Variants in QRICH2 observed in about 807,000 individuals in gnomAD.
QRICH2 encodes the protein glutamine rich 2.
In QRICH2, 119 loss-of-function variants were observed where a neutral mutation model predicts 168.3. The ratio of observed to expected loss-of-function variants is 0.71; its 90% CI spans 0.61 to 0.82. The LOEUF is 0.82. Among genes scored for constraint, QRICH2 ranks in the 40% least tolerant of loss-of-function variants. QRICH2 has a pLI of 0.00. For synonymous variants in QRICH2, 894 were observed against 951.2 expected, an observed-to-expected ratio of 0.94 and a Z score of 1.11; for missense variants, 2,241 against 2,491.6, an observed-to-expected ratio of 0.90 and a Z score of 2.14.
chr17:76,283,633 G>A (rs1222289772), intron 7 of QRICH2, among the ~76,000 whole-genome samples: 1 of 147,546 alleles, frequency 6.8e-6, no homozygotes, highest in Non-Finnish European at 1.5e-5. Context: ...CAGCACTTTG[G>A]GAGGCCAAGG....
At chr17:76,308,701 T>C (rs1341128299), upstream of QRICH2, among the ~76,000 whole-genome samples, 1 of 152,100 alleles carries the variant, frequency 6.6e-6, no homozygotes, top group Non-Finnish European at 1.5e-5. Flanking sequence ...AATTAGCCAC[T>C]AGATGACTAA....
chr17:76,307,798 C>A lies in QRICH2; in HGVS notation c.201G>T (p.Ser67=), dbSNP rs958557405. ...GCGCGGGCAGGTGCGGGATGCTGAACGAGCTCCGGACGGACTGCAGCGAGC... is the reference window on the plus strand; with the variant it reads ...GCGCGGGCAGGTGCGGGATGCTGAAAGAGCTCCGGACGGACTGCAGCGAGC... ...PSRSLQSVRS[S]FSIPHLPAPK... Residue 67 remains serine, a synonymous_variant, in exon 1 of 19, where the codon TCG becomes TCT. Transcript: ENST00000680821. The surrounding 1 kb of genome is among the most constrained non-coding windows in gnomAD (Gnocchi z 5.3). 7.3e-7 allele frequency: 1 copy of A among 1,363,868 alleles called. No homozygotes were observed. Among genetic ancestry groups the A allele is most frequent in the African/African-American group, 1.5e-5 (1 of 66,576 alleles). 84.5% of individuals were successfully genotyped at this position (1,363,868 alleles called of 1,614,324 possible). A position where few individuals can be genotyped will look rare whatever the true frequency, so the allele number is the denominator to read the frequency against.
intron 1 of QRICH2, among the ~76,000 whole-genome samples, chr17:76,305,869 C>T (rs957143298): frequency 5.3e-5 from 8 of 152,008 alleles, no homozygotes; most frequent in Admixed American, 3.9e-4. Flanking sequence ...TCTAAGATTA[C>T]GTAAAAATTA....
rs746329705 is a variant in QRICH2, at chr17:76,277,193, A to C, written c.5235T>G (p.Tyr1745Ter). Residue 1745 changes from tyrosine to a stop codon, truncating the protein, a stop_gained, in exon 16 of 19, where the codon TAT (tyrosine) becomes TAG (stop). Coordinates refer to ENST00000680821, the MANE Select transcript of QRICH2 (RefSeq NM_001388453.1). LOFTEE classifies it high-confidence loss of function. ...TGGCAATCTGGATCTCTTCAGTAGG[A>C]TACAGGCCCCGGGGAAGGTGCTGCG... ...SRPQHLPRGL[Y>*]PTEEIQIAMK... The C allele has an allele frequency of 6.2e-7, 1 of 1,602,282 alleles. No homozygotes were observed. Among genetic ancestry groups the C allele is most frequent in the Non-Finnish European group, 8.5e-7 (1 of 1,176,734 alleles).
chr17:76,274,374 C>T, intron 18 of QRICH2, 114 bp from the exon 19 acceptor site: 1 of 1,116,414 alleles, frequency 9.0e-7, no homozygotes, highest in East Asian at 2.8e-5. Flanking sequence ...CCATGCTGGG[C>T]TGACACAGGC....
Position 76,307,725 on chromosome 17 carries a change from C to T in QRICH2, c.274G>A (p.Gly92Ser). 2.1e-6 allele frequency: 3 copies of T among 1,418,638 alleles called. No individual in the cohort carries two copies. Among genetic ancestry groups the T allele is most frequent in the Non-Finnish European group, 2.8e-6 (3 of 1,090,482 alleles). 87.9% of individuals were successfully genotyped at this position (1,418,638 alleles called of 1,614,324 possible). ...GAPREKRRGV[G>S]QAPSSALESQ... ...TCCAGCGCTGACGAAGGCGCCTGGC[C>T]CACGCCCCTGCGCTTCTCCCGGGGC... Residue 92 changes from glycine (G) to serine (S), a missense_variant, in exon 1 of 19, where the codon GGC (glycine) becomes AGC (serine). Gly to Ser is a moderately conservative substitution (Grantham distance 56). Around this residue, in one of 3 missense-constraint regions of QRICH2, gnomAD observed 2,047 missense variants for 2,303.8 expected, o/e 0.89. Coordinates refer to ENST00000680821, the MANE Select transcript of QRICH2 (RefSeq NM_001388453.1). The surrounding 1 kb of genome is among the most constrained non-coding windows in gnomAD (Gnocchi z 5.3).
intron 2 of QRICH2, 43 bp downstream of exon 2, chr17:76,304,839 A>G: frequency 7.0e-7 from 1 of 1,424,786 alleles, no homozygotes; most frequent in Non-Finnish European, 9.9e-7. Flanking sequence ...AGAGACGGCC[A>G]GCCCCCTGGA....
chr17:76,297,483 G>C (rs765406238), intron 3 of QRICH2, among the ~76,000 whole-genome samples: 1 of 151,476 alleles, frequency 6.6e-6, no homozygotes, highest in Non-Finnish European at 1.5e-5. Flanking sequence ...CTCCGGCCTG[G>C]GCGACACAGC....
intron 7 of QRICH2, among the ~76,000 whole-genome samples, chr17:76,285,081 A>G (rs1210465831): frequency 6.6e-6 from 1 of 151,354 alleles, no homozygotes; most frequent in Non-Finnish European, 1.5e-5. Flanking sequence ...CAGCCTCCTG[A>G]GAAGGTGGGA....
In QRICH2 at chr17:76,280,549, G is replaced by C. The variant is rs973277272; in HGVS notation, c.4462-98C>G. 4.6e-5 allele frequency: 74 copies of C among 1,593,224 alleles called. No homozygotes were observed. In the African/African-American group the frequency reaches 9.7e-4, roughly 21 times the overall value. On this transcript the variant is annotated intron_variant, in intron 10 of 18. Transcript: ENST00000680821. This position sits in a 1 kb window ranked among gnomAD's most constrained non-coding sequence, Gnocchi z 7.4. Reference sequence around the variant, plus strand: ...GACCCCTATCACCAGGCAGGTTTCTGAGAGCCCACACTCGTCTCGCCAGCT... The same window carrying C: ...GACCCCTATCACCAGGCAGGTTTCTCAGAGCCCACACTCGTCTCGCCAGCT...
At chr17:76,305,164 C>CTTTTTT in intron 1 of QRICH2, among the ~76,000 whole-genome samples, 1 of 128,054 alleles carries the variant, frequency 7.8e-6, no homozygotes, top group East Asian at 2.1e-4. Context: ...TTTTTGGTTT[C>CTTTTTT]CTTTTTTTTT....
intron 7 of QRICH2, among the ~76,000 whole-genome samples, chr17:76,283,874 C>CCA (rs2070832996): frequency 8.0e-6 from 1 of 125,134 alleles, no homozygotes; most frequent in Non-Finnish European, 1.5e-5. Context: ...AACTCTGTCT[C>CCA]AAAAAAAAAA....
Position 76,301,137 on chromosome 17 carries a change from AG to A in QRICH2, c.705+3277del, listed in dbSNP as rs566746433. Among the ~76,000 whole-genome samples the A allele has an allele frequency of 4.7e-4, 72 of 152,228 alleles. 1 individual carries two copies. The highest frequency in any genetic ancestry group is 3.4e-3 in the Middle Eastern group (1 of 294). ...GAGGCTGAGGTGAGAGGATCACTTG[AG>A]TCCAGGAGGTCGAGGTTGCAGTAAG... On this transcript the variant is annotated intron_variant, in intron 3 of 18. Coordinates refer to ENST00000680821, the MANE Select transcript of QRICH2 (RefSeq NM_001388453.1).
rs1179058406 is a variant in QRICH2 at position 76,293,911 on chromosome 17, A to G, written c.816T>C (p.Ala272=). The G allele has an allele frequency of 6.2e-7, 1 of 1,614,176 alleles. No individual in the cohort carries two copies. The highest frequency in any genetic ancestry group is 2.2e-5 in the East Asian group (1 of 44,870). ...GGCCAAGACCACTGGCAGAATCCAG[A>G]GCCTGCTCAATACTTGGTTGCTTGG... The part of the protein sequence containing the change: ...DSTKQPSIEQ[A]LDSASGLGPD... The change falls in exon 4 of 19, where the codon GCT becomes GCC. Residue 272 remains alanine, a synonymous_variant. Coordinates refer to ENST00000680821, the MANE Select transcript of QRICH2 (RefSeq NM_001388453.1).
chr17:76,285,104 A>G (rs915697955), intron 7 of QRICH2, among the ~76,000 whole-genome samples: 4 of 137,602 alleles, frequency 2.9e-5, no homozygotes, highest in Admixed American at 6.9e-5. Flanking sequence ...ACAGGTGTGC[A>G]CCACCACACC....
At chr17:76,289,885 G>A (rs1160853519) in intron 5 of QRICH2, 107 bp downstream of exon 5, 11 of 673,074 alleles carry the variant, frequency 1.6e-5, no homozygotes, top group East Asian at 3.3e-5. Context: ...CTGGGAGGTG[G>A]AGGTTGAGTG....
chr17:76,301,395 T>G (rs1479554498), intron 3 of QRICH2: 1 of 223,148 alleles, frequency 4.5e-6, no homozygotes, highest in Non-Finnish European at 9.5e-6. Flanking sequence ...TGACAACACC[T>G]TGTCTCTACT....
Position 76,276,029 on chromosome 17 carries a change from CG to C in QRICH2, c.5354-83del, listed in dbSNP as rs200539636. ...GAACCCCTGGGGGTGGGGAGAGGGC[CG>C]CAGGGCTGCTGGTCATGGCCGGCCT... On this transcript the variant is annotated intron_variant, in intron 17 of 18. Coordinates refer to ENST00000680821, the MANE Select transcript of QRICH2 (RefSeq NM_001388453.1). The C allele has an allele frequency of 2.9e-4, 444 of 1,530,884 alleles. 7 individuals carry two copies. The African/African-American group carries it at 4.9e-3, about 17-fold the overall frequency. The allele number at this position is 1,530,884 out of a possible 1,614,324, so 94.8% of individuals were successfully genotyped here.
chr17:76,307,691 A>T lies in QRICH2; in HGVS notation c.308T>A (p.Val103Glu). 6.9e-7 allele frequency: 1 copy of T among 1,447,236 alleles called. No homozygotes were observed. Among genetic ancestry groups the T allele is most frequent in the Non-Finnish European group, 9.1e-7 (1 of 1,099,522 alleles). The allele number at this position is 1,447,236 out of a possible 1,614,324, so 89.6% of individuals were successfully genotyped here. Residue 103 changes from valine to glutamate, a missense_variant, in exon 1 of 19, where the codon GTG becomes GAG. By Grantham distance (121) the Val-to-Glu change is moderately radical. This residue lies in a region of QRICH2 where 2,047 missense variants were observed against 2,303.8 expected (regional missense o/e 0.89). Coordinates refer to ENST00000680821, the MANE Select transcript of QRICH2 (RefSeq NM_001388453.1). The surrounding 1 kb of genome is among the most constrained non-coding windows in gnomAD (Gnocchi z 5.3). ...QAPSSALESQ[V>E]KDLGGQVEDL... ...CTCCACCTGGCCGCCCAGGTCCTTC[A>T]CTTGGCTCTCCAGCGCTGACGAAGG...
Sources: gnomAD v4.1 joint callset for allele counts (sites outside exome capture counted in the v4.1 genomes callset) on GRCh38, gnomAD v4.1.1 for gene constraint, gnomAD v4.1.1 regional missense constraint, Gnocchi (gnomAD v3.1) non-coding constraint, MANE v1.5 for transcripts, NCBI Gene and HGNC (gene_info 2026-07-23, HGNC 2026-07-21) for gene names.